BCHE: variants seen among roughly 807,000 people sequenced by gnomAD.
The protein encoded by BCHE is butyrylcholinesterase.
A neutral mutation model predicts 51.3 loss-of-function variants in BCHE; 48 were observed. The ratio of observed to expected loss-of-function variants is 0.94; its 90% CI spans 0.74 to 1.19. The LOEUF (loss-of-function observed/expected upper bound fraction) is 1.19. Ranked by LOEUF, BCHE falls within the 50% of genes most tolerant of loss-of-function variation. The probability of loss-of-function intolerance (pLI) is 0.00; values close to 1 mark genes in which losing one functional copy is unlikely to be tolerated. For synonymous variants in BCHE, 251 were observed against 238.0 expected (o/e 1.05, Z -0.50); for missense variants, 847 against 708.2 (o/e 1.20, Z -2.23).
intron 3 of BCHE, among the ~76,000 whole-genome samples, chr3:165,782,076 A>G (rs1435376518): frequency 6.6e-6 from 1 of 152,124 alleles, no homozygotes; most frequent in Non-Finnish European, 1.5e-5. Context: ...TAAATCTAAT[A>G]AGAGGTTAGA....
chr3:165,779,218 C>A (rs1712588168), intron 3 of BCHE, among the ~76,000 whole-genome samples: 1 of 152,124 alleles, frequency 6.6e-6, no homozygotes, highest in African/African-American at 2.4e-5. Context: ...CAATGAAATT[C>A]AACATCACCT....
intron 1 of BCHE, among the ~76,000 whole-genome samples, chr3:165,831,822 A>T (rs1271927943): frequency 2.6e-5 from 4 of 152,216 alleles, no homozygotes; most frequent in African/African-American, 9.6e-5. Flanking sequence ...TACCAGATTT[A>T]TAATGTCAAT....
chr3:165,817,517 T>C (rs1417295866), intron 2 of BCHE, among the ~76,000 whole-genome samples: 1 of 152,042 alleles, frequency 6.6e-6, no homozygotes, highest in East Asian at 1.9e-4. Context: ...TTCACATACC[T>C]ATTCCAGCCG....
At chr3:165,794,710 T>G (rs895954420) in intron 2 of BCHE, among the ~76,000 whole-genome samples, 1 of 152,074 alleles carries the variant, frequency 6.6e-6, no homozygotes, top group African/African-American at 2.4e-5. Flanking sequence ...ACATATGAAT[T>G]TGGAAGCACA....
intron 2 of BCHE, among the ~76,000 whole-genome samples, chr3:165,823,789 G>T (rs1440309519): frequency 6.6e-6 from 1 of 151,882 alleles, no homozygotes; most frequent in South Asian, 2.1e-4. Flanking sequence ...GAGGAGATCT[G>T]TTCTGTCACC....
intron 2 of BCHE, among the ~76,000 whole-genome samples, chr3:165,791,123 C>T (rs11924595): frequency 0.036 from 5,425 of 151,872 alleles, 345 homozygotes; most frequent in African/African-American, 0.12. Flanking sequence ...GGTGAAACCC[C>T]GTCTTTAATA....
At chr3:165,781,911 AAC>A (rs1560002657) in intron 3 of BCHE, among the ~76,000 whole-genome samples, 1 of 152,168 alleles carries the variant, frequency 6.6e-6, no homozygotes, top group Non-Finnish European at 1.5e-5. Context: ...ATGAATGATA[AAC>A]ACACACAGAA....
intron 2 of BCHE, among the ~76,000 whole-genome samples, 196 bp from the exon 3 acceptor site, chr3:165,786,507 T>A (rs1189529208): frequency 1.3e-5 from 2 of 151,868 alleles, no homozygotes; most frequent in South Asian, 4.1e-4. Flanking sequence ...TTATTTAAAA[T>A]TGTAAGAATT....
At chr3:165,774,923 C>T (rs1016920156) in intron 3 of BCHE, among the ~76,000 whole-genome samples, 7 of 150,824 alleles carry the variant, frequency 4.6e-5, no homozygotes, top group African/African-American at 1.7e-4. Flanking sequence ...TATTAAATTA[C>T]AATGTTTTAA....
chr3:165,816,019 C>A (rs1400534128), intron 2 of BCHE, among the ~76,000 whole-genome samples: 2 of 150,078 alleles, frequency 1.3e-5, no homozygotes, highest in East Asian at 1.9e-4. Flanking sequence ...TGTCTTTCAT[C>A]AAAAAAAAAT....
intron 2 of BCHE, among the ~76,000 whole-genome samples, chr3:165,786,513 G>C (rs746307922): frequency 7.2e-5 from 11 of 151,734 alleles, no homozygotes; most frequent in Non-Finnish European, 1.6e-4. Context: ...AAAATTGTAA[G>C]AATTGAAATT....
intron 3 of BCHE, 38 bp from the exon 4 acceptor site, chr3:165,773,544 T>G (rs2108191640): frequency 6.4e-7 from 1 of 1,562,170 alleles, no homozygotes; most frequent in East Asian, 2.3e-5. Context: ...ATCAAAATTT[T>G]TATCTGTTTC....
At chr3:165,791,948 AAAAATAAAATAAAAT>A (rs59363319) in intron 2 of BCHE, among the ~76,000 whole-genome samples, 57 of 135,606 alleles carry the variant, frequency 4.2e-4, no homozygotes, top group Admixed American at 1.1e-3. Context: ...CTCCATCTCA[AAAAATAAAATAAAAT>A]AAAATAAAAT....
intron 1 of BCHE, among the ~76,000 whole-genome samples, chr3:165,833,196 C>A (rs909889825): frequency 5.3e-5 from 8 of 152,012 alleles, no homozygotes; most frequent in Non-Finnish European, 7.4e-5. Flanking sequence ...ATATTTTTAG[C>A]AGCATTTCTA....
chr3:165,804,967 C>A (rs538063957), intron 2 of BCHE, among the ~76,000 whole-genome samples: 142 of 152,120 alleles, frequency 9.3e-4, no homozygotes, highest in African/African-American at 3.2e-3. Flanking sequence ...TGTATGAACA[C>A]TGAGATAATT....
chr3:165,818,058 A>G (rs1714374800), intron 2 of BCHE, among the ~76,000 whole-genome samples: 1 of 152,124 alleles, frequency 6.6e-6, no homozygotes, highest in Non-Finnish European at 1.5e-5. Context: ...CATGACTTTC[A>G]TTCAAAAATG....
chr3:165,824,364 A>G (rs1714642490), intron 2 of BCHE, among the ~76,000 whole-genome samples: 1 of 151,992 alleles, frequency 6.6e-6, no homozygotes, highest in African/African-American at 2.4e-5. Flanking sequence ...TCACAATTTA[A>G]TATCTATTTA....
intron 2 of BCHE, among the ~76,000 whole-genome samples, chr3:165,828,786 T>C (rs1437023999): frequency 6.6e-6 from 1 of 152,090 alleles, no homozygotes; most frequent in Non-Finnish European, 1.5e-5. Context: ...AGAAAATATA[T>C]TCTAAATGGT....
intron 1 of BCHE, among the ~76,000 whole-genome samples, chr3:165,833,967 T>A (rs975768767): frequency 6.6e-6 from 1 of 152,088 alleles, no homozygotes; most frequent in Admixed American, 6.6e-5. Context: ...GCAAAAGCCA[T>A]CTATTTTTTC....
Sources: gnomAD v4.1 joint callset for allele counts (sites outside exome capture counted in the v4.1 genomes callset) on GRCh38, gnomAD v4.1.1 for gene constraint, MANE v1.5 for transcripts, NCBI Gene and HGNC (gene_info 2026-07-23, HGNC 2026-07-21) for gene names.